Variants in BMPR1B observed in about 807,000 individuals in gnomAD.
BMPR1B encodes the protein bone morphogenetic protein receptor type-1B.
BMPR1B carries 12 observed loss-of-function variants against 59.1 expected under a neutral mutation model. The observed-to-expected ratio is 0.20, with a 90% CI of 0.13 to 0.33. The LOEUF is 0.33. Among genes scored for constraint, BMPR1B ranks in the 10% least tolerant of loss-of-function variants. The pLI is 1.00. For missense variants in BMPR1B, 550 were observed against 610.9 expected (o/e 0.90, Z 1.05); for synonymous variants, 237 against 207.3 (o/e 1.14, Z -1.23).
chr4:95,140,241 G>T lies in BMPR1B; in HGVS notation c.1077-8507G>T, dbSNP rs370371385. On this transcript the variant is annotated intron_variant, in intron 10 of 12. Transcript: ENST00000515059. ...TGCATTTTTCAGATTTGCGTTTCTA[G>T]TGCCTTTCCCTGGTGCTCATTACTT... 2.2e-4 allele frequency among the ~76,000 whole-genome samples: 33 copies of T among 152,224 alleles called. No homozygotes were observed. In the South Asian group the frequency reaches 6.8e-3, roughly 32 times the overall value.
Position 95,148,783 on chromosome 4 carries a change from G to C in BMPR1B, c.1112G>C (p.Arg371Pro), listed in dbSNP as rs34970181. Reference sequence around the variant, plus strand: ...GAAGTTGACATACCACCTAACACTCGAGTTGGCACCAAACGCTATATGCCT... The same window carrying C: ...GAAGTTGACATACCACCTAACACTCCAGTTGGCACCAAACGCTATATGCCT... ...TNEVDIPPNT[R>P]VGTKRYMPPE... The change falls in exon 11 of 13, where the codon CGA becomes CCA. Residue 371 changes from arginine to proline, a missense_variant. Arg to Pro is a moderately radical substitution (Grantham distance 103). Coordinates refer to ENST00000515059, the MANE Select transcript of BMPR1B (RefSeq NM_001203.3). The C allele has an allele frequency of 3.8e-5, 62 of 1,613,756 alleles. No individual in the cohort carries two copies. The highest frequency in any genetic ancestry group is 4.9e-5 in the Non-Finnish European group (58 of 1,179,922).
intron 2 of BMPR1B, among the ~76,000 whole-genome samples, chr4:94,931,812 T>C (rs1729102863): frequency 6.6e-6 from 1 of 152,022 alleles, no homozygotes. Flanking sequence ...GTCTCATCTG[T>C]TTTCCATCAG....
intron 3 of BMPR1B, among the ~76,000 whole-genome samples, chr4:95,019,035 T>TC: frequency 6.6e-6 from 1 of 152,312 alleles, no homozygotes; most frequent in African/African-American, 2.4e-5. Flanking sequence ...AGTTTTTTTT[T>TC]CACTGGAAGT....
At position 94,785,207 on chromosome 4, in the gene BMPR1B, C is replaced by T. The variant is rs577315262; in HGVS notation, c.-183+27139C>T. ...TTCCTTCCTGTCCTGCCTCATTTCC[C>T]CTTTTCCCTTACTCTTCCTTCCCTG... On this transcript the variant is annotated intron_variant, in intron 1 of 12. Coordinates refer to ENST00000515059, the MANE Select transcript of BMPR1B (RefSeq NM_001203.3). 5.9e-5 allele frequency among the ~76,000 whole-genome samples: 9 copies of T among 152,292 alleles called. No individual in the cohort carries two copies. In the South Asian group the frequency reaches 1.9e-3, roughly 32 times the overall value.
At chr4:95,075,678 A>G (rs1330400483) in intron 3 of BMPR1B, among the ~76,000 whole-genome samples, 1 of 152,112 alleles carries the variant, frequency 6.6e-6, no homozygotes, top group Non-Finnish European at 1.5e-5. Context: ...TTTGGTTTAT[A>G]TTACCGTAAG....
intron 11 of BMPR1B, among the ~76,000 whole-genome samples, chr4:95,151,283 G>A (rs966448664): frequency 6.6e-6 from 1 of 152,180 alleles, no homozygotes; most frequent in East Asian, 1.9e-4. Context: ...GGTGAGCTCT[G>A]CCTTCGTCTG....
At chr4:95,021,355 T>C (rs2149137164) in intron 3 of BMPR1B, among the ~76,000 whole-genome samples, 1 of 152,334 alleles carries the variant, frequency 6.6e-6, no homozygotes, top group Non-Finnish European at 1.5e-5. Context: ...TTACATGGTG[T>C]GGAGTAGCTA....
chr4:95,120,378 A>G (rs1732385803), intron 6 of BMPR1B, among the ~76,000 whole-genome samples: 3 of 152,236 alleles, frequency 2.0e-5, no homozygotes, highest in Admixed American at 2.0e-4. Flanking sequence ...TGTATACAGC[A>G]TCACTCCTAT....
At chr4:94,957,929 A>T (rs6838363) in intron 2 of BMPR1B, among the ~76,000 whole-genome samples, 9 of 152,248 alleles carry the variant, frequency 5.9e-5, no homozygotes, top group Non-Finnish European at 1.0e-4. Context: ...CAAGATCAAC[A>T]TGTGTGTTGA....
intron 2 of BMPR1B, among the ~76,000 whole-genome samples, chr4:94,928,578 G>GT (rs1317894869): frequency 0.023 from 3,239 of 141,228 alleles, 37 homozygotes; most frequent in Middle Eastern, 0.044. Flanking sequence ...AGGCTGGGTT[G>GT]TTTTTTTTTT....
At position 95,100,142 on chromosome 4, in the gene BMPR1B, G is replaced by A. The variant is rs372520175; in HGVS notation, c.-17-4266G>A. Among the ~76,000 whole-genome samples the A allele has an allele frequency of 1.7e-4, 26 of 152,052 alleles. No homozygotes were observed. The East Asian group carries it at 2.3e-3, about 14-fold the overall frequency. On this transcript the variant is annotated intron_variant, in intron 3 of 12. Transcript: ENST00000515059. ...TAGCATTATCTTGGAGGTAAGCTTCGTCTTCTCTTGGGATGGATCTACCAT... is the reference window on the plus strand; with the variant it reads ...TAGCATTATCTTGGAGGTAAGCTTCATCTTCTCTTGGGATGGATCTACCAT...
At chr4:94,978,949 T>TACAC (rs10649707) in intron 2 of BMPR1B, among the ~76,000 whole-genome samples, 22,323 of 147,662 alleles carry the variant, frequency 0.15, 1,697 homozygotes, top group Middle Eastern at 0.24. Context: ...CACACATACA[T>TACAC]ACACACACAC....
chr4:95,009,308 A>G (rs1183153502), intron 3 of BMPR1B, among the ~76,000 whole-genome samples: 4 of 152,226 alleles, frequency 2.6e-5, no homozygotes, highest in Admixed American at 6.5e-5. Context: ...CTCAGGAAAT[A>G]GGTATGCAAT....
intron 2 of BMPR1B, among the ~76,000 whole-genome samples, chr4:94,937,721 C>CACAG (rs1560556653): frequency 8.0e-5 from 12 of 149,722 alleles, no homozygotes; most frequent in African/African-American, 3.0e-4. Flanking sequence ...CACACACAGA[C>CACAG]ACACACACAC....
chr4:94,794,093 C>T lies in BMPR1B; in HGVS notation c.-183+36025C>T, dbSNP rs1040263461. The stretch of plus-strand genomic sequence containing the variant: ...GTGTTTTAGACATGAAGTCCTTGCC[C>T]ATGTCTATGTCCTGAATGGTAATGC... On this transcript the variant is annotated intron_variant, in intron 1 of 12. Transcript: ENST00000515059. 3.7e-4 allele frequency among the ~76,000 whole-genome samples: 56 copies of T among 150,536 alleles called. 1 individual carries two copies. The highest frequency in any genetic ancestry group is 1.7e-3 in the Admixed American group (26 of 15,138).
At chr4:94,968,063 C>T (rs553618318) in intron 2 of BMPR1B, among the ~76,000 whole-genome samples, 40 of 152,264 alleles carry the variant, frequency 2.6e-4, no homozygotes, top group African/African-American at 8.7e-4. Context: ...ATAAACTATG[C>T]TTGTAACTTT....
At chr4:95,024,630 T>C (rs1284564303) in intron 3 of BMPR1B, among the ~76,000 whole-genome samples, 1 of 152,164 alleles carries the variant, frequency 6.6e-6, no homozygotes, top group East Asian at 1.9e-4. Flanking sequence ...GCTTGCGACA[T>C]TGTTGTGAAC....
intron 2 of BMPR1B, among the ~76,000 whole-genome samples, chr4:94,919,743 A>C (rs886591965): frequency 2.0e-5 from 3 of 152,166 alleles, no homozygotes; most frequent in Non-Finnish European, 4.4e-5. Flanking sequence ...GGCAAAGTCT[A>C]TGATCCAGCT....
At chr4:94,857,936 CTTTTTATTTTTATT>C (rs1725825560) in intron 1 of BMPR1B, among the ~76,000 whole-genome samples, 1 of 149,242 alleles carries the variant, frequency 6.7e-6, no homozygotes, top group Non-Finnish European at 1.5e-5. Context: ...AGATTATTTA[CTTTTTATTTTTATT>C]TTTTTATTTT....
Sources: allele counts gnomAD v4.1 joint callset (sites outside exome capture counted in the v4.1 genomes callset), GRCh38; gene constraint gnomAD v4.1.1; transcripts MANE v1.5; gene names NCBI Gene and HGNC (gene_info 2026-07-23, HGNC 2026-07-21).